The following RTL4 variants were observed in gnomAD, a reference collection of about 807,000 sequenced individuals.
RTL4 encodes the protein retrotransposon Gag-like protein 4.
RTL4 carries 4 observed loss-of-function variants against 5.3 expected under a neutral mutation model. The observed-to-expected ratio is 0.75, with a 90% CI of 0.37 to 1.72. The LOEUF is 1.72. RTL4 is among the 40% of genes most tolerant of loss of function. The pLI is 0.04. For missense variants in RTL4, 260 were observed against 227.1 expected (o/e 1.14, Z -0.93); for synonymous variants, 98 against 87.3 (o/e 1.12, Z -0.68).
the RTL4 span, among the ~76,000 whole-genome samples, chrX:112,218,384 T>A: frequency 8.9e-6 from 1 of 112,014 alleles, no homozygotes; most frequent in Non-Finnish European, 1.9e-5. Flanking sequence ...GTGCCAAAGT[T>A]AAGAGCCAGT....
chrX:112,183,581 C>T, the RTL4 span, among the ~76,000 whole-genome samples: 21,915 of 111,075 alleles, frequency 0.2, 1,622 homozygotes, highest in Admixed American at 0.24. Flanking sequence ...ATTACATAAT[C>T]GTAAAGGGAT....
the RTL4 span, among the ~76,000 whole-genome samples, chrX:112,172,491 C>A: frequency 9.0e-6 from 1 of 111,121 alleles, no homozygotes; most frequent in African/African-American, 3.3e-5. Context: ...TTATTAAAGT[C>A]AAGAAACAAC....
At chrX:112,221,955 A>C in the RTL4 span, among the ~76,000 whole-genome samples, 1 of 112,379 alleles carries the variant, frequency 8.9e-6, no homozygotes, top group Non-Finnish European at 1.9e-5. Flanking sequence ...AACAGGATTG[A>C]ATGTGAAATA....
the RTL4 span, among the ~76,000 whole-genome samples, chrX:112,226,989 C>CAAAATAAAATAAAAT: frequency 7.7e-3 from 736 of 95,715 alleles, 12 homozygotes; most frequent in African/African-American, 0.026. Context: ...TAAAATAAAA[C>CAAAATAAAATAAAAT]AAAATAAAAT....
At chrX:112,116,441 A>G in the RTL4 span, among the ~76,000 whole-genome samples, 1 of 111,073 alleles carries the variant, frequency 9.0e-6, no homozygotes. Context: ...CACAGCGTGG[A>G]AGGGGACCCA....
At chrX:112,331,561 G>A in the RTL4 span, among the ~76,000 whole-genome samples, 1 of 105,061 alleles carries the variant, frequency 9.5e-6, no homozygotes, top group Non-Finnish European at 2.0e-5. Flanking sequence ...CTGTTGGTGG[G>A]ACTGTAAACT....
At chrX:112,250,195 C>T in the RTL4 span, among the ~76,000 whole-genome samples, 1 of 109,014 alleles carries the variant, frequency 9.2e-6, no homozygotes, top group African/African-American at 3.3e-5. Context: ...GGGAGAATGG[C>T]GTGAACCCGG....
At chrX:112,256,483 A>G in the RTL4 span, among the ~76,000 whole-genome samples, 5 of 112,262 alleles carry the variant, frequency 4.5e-5, no homozygotes, top group Admixed American at 2.8e-4. Context: ...TTTGTTTTTC[A>G]GCACCTAGAA....
chrX:112,256,256 G>T, the RTL4 span, among the ~76,000 whole-genome samples: 2 of 111,685 alleles, frequency 1.8e-5, no homozygotes, highest in African/African-American at 6.5e-5. Context: ...TGAACAGTAA[G>T]CTTTCCCCCA....
chrX:112,131,050 C>G, the RTL4 span, among the ~76,000 whole-genome samples: 1 of 108,594 alleles, frequency 9.2e-6, no homozygotes, highest in Non-Finnish European at 1.9e-5. Flanking sequence ...CCACCTGCCT[C>G]GGCCTCCCAA....
At chrX:112,356,579 GGTGT>G in the RTL4 span, among the ~76,000 whole-genome samples, 766 of 99,344 alleles carry the variant, frequency 7.7e-3, 5 homozygotes, top group African/African-American at 0.023. Flanking sequence ...TTTGTTTTGG[GGTGT>G]GTGTGTGTGT....
the RTL4 span, among the ~76,000 whole-genome samples, chrX:112,121,939 C>T: frequency 1.8e-5 from 2 of 111,490 alleles, no homozygotes; most frequent in Non-Finnish European, 3.8e-5. Context: ...AAAATCAGCC[C>T]TTAGCAAGCT....
At chrX:112,169,848 G>A in the RTL4 span, among the ~76,000 whole-genome samples, 1 of 111,817 alleles carries the variant, frequency 8.9e-6, no homozygotes, top group African/African-American at 3.3e-5. Flanking sequence ...AAAGAGGAGT[G>A]GGTGGGTGAC....
the RTL4 span, among the ~76,000 whole-genome samples, chrX:112,354,833 A>G: frequency 4.5e-5 from 5 of 111,103 alleles, no homozygotes; most frequent in Admixed American, 4.8e-4. Context: ...TTTGAGGTTC[A>G]CCCTTTGGAG....
chrX:112,171,878 A>C, the RTL4 span, among the ~76,000 whole-genome samples: 1 of 112,555 alleles, frequency 8.9e-6, no homozygotes, highest in Non-Finnish European at 1.9e-5. Context: ...ATTAAATTAA[A>C]GAGCTTCTGC....
chrX:112,381,734 G>A, the RTL4 span: 163 of 1,197,459 alleles, frequency 1.4e-4, no homozygotes, highest in East Asian at 4.8e-3. Flanking sequence ...TATATTAAAG[G>A]AAAAGCAGGA....
the RTL4 span, among the ~76,000 whole-genome samples, chrX:112,304,022 G>A: frequency 9.0e-6 from 1 of 110,660 alleles, no homozygotes; most frequent in Non-Finnish European, 1.9e-5. Context: ...AGTAGCTAAT[G>A]TGGCCCTTTT....
the RTL4 span, among the ~76,000 whole-genome samples, chrX:112,400,932 G>T: frequency 9.0e-6 from 1 of 111,227 alleles, no homozygotes; most frequent in Non-Finnish European, 1.9e-5. Flanking sequence ...AACTCAAGGA[G>T]ATGATCAAAA....
chrX:112,409,151 G>A, the RTL4 span, among the ~76,000 whole-genome samples: 1 of 112,292 alleles, frequency 8.9e-6, no homozygotes. Flanking sequence ...TATCTGTGGT[G>A]TGTAAACTAC....
Sources: gnomAD v4.1 joint callset for allele counts (sites outside exome capture counted in the v4.1 genomes callset) on GRCh38, gnomAD v4.1.1 for gene constraint, MANE v1.5 for transcripts, NCBI Gene and HGNC (gene_info 2026-07-23, HGNC 2026-07-21) for gene names.